Variants in KDM7A observed in about 807,000 individuals in gnomAD.
KDM7A encodes lysine demethylase 7A.
Under a neutral mutation model 114.8 loss-of-function variants are expected in KDM7A, and 28 were observed. The observed-to-expected ratio is 0.24, with a 90% CI of 0.18 to 0.33. KDM7A has a LOEUF of 0.33. Among genes scored for constraint, KDM7A ranks in the 10% least tolerant of loss-of-function variants. KDM7A has a pLI of 1.00. For synonymous variants in KDM7A, 423 were observed against 397.8 expected (o/e 1.06, Z -0.75); for missense variants, 942 against 1,142.5 (o/e 0.82, Z 2.53).
chr7:140,133,496 C>A, intron 3 of KDM7A, 43 bp downstream of exon 3: 1 of 1,143,468 alleles, frequency 8.7e-7, no homozygotes. Context: ...AGACGACATT[C>A]TTACATTCTT....
At chr7:140,136,920 G>A (rs1180387323) in intron 2 of KDM7A, among the ~76,000 whole-genome samples, 1 of 152,160 alleles carries the variant, frequency 6.6e-6, no homozygotes, top group Non-Finnish European at 1.5e-5. Flanking sequence ...CTGTGAGGCG[G>A]AGGTTGCAGT....
intron 2 of KDM7A, among the ~76,000 whole-genome samples, chr7:140,134,886 TACA>T (rs1818842296): frequency 1.3e-5 from 2 of 152,052 alleles, no homozygotes; most frequent in African/African-American, 2.4e-5. Flanking sequence ...ATCACAGTAA[TACA>T]ACAACATTGG....
Position 140,165,201 on chromosome 7 carries a change from T to C in KDM7A, c.194+11543A>G, listed in dbSNP as rs149934024. Among the ~76,000 whole-genome samples the C allele has an allele frequency of 1.8e-4, 27 of 152,356 alleles. No homozygotes were observed. The East Asian group carries it at 4.8e-3, about 27-fold the overall frequency. On this transcript the variant is annotated intron_variant, in intron 1 of 19. Transcript: ENST00000397560. ...ATTAATGCTCTAGAGACTCCTATTA[T>C]ATACATTTACCTGCTCAGTGTTTGT...
intron 7 of KDM7A, among the ~76,000 whole-genome samples, chr7:140,123,307 T>C (rs763407685): frequency 6.6e-6 from 1 of 152,204 alleles, no homozygotes; most frequent in African/African-American, 2.4e-5. Context: ...AGTTAAACCA[T>C]GTAATGCAGC....
chr7:140,160,929 G>T (rs1794512332), intron 1 of KDM7A, among the ~76,000 whole-genome samples: 1 of 152,144 alleles, frequency 6.6e-6, no homozygotes, highest in Non-Finnish European at 1.5e-5. Flanking sequence ...CAGTCACCAT[G>T]GGCTCCAAAG....
chr7:140,144,923 A>C (rs1180365264), intron 1 of KDM7A, among the ~76,000 whole-genome samples: 1 of 152,082 alleles, frequency 6.6e-6, no homozygotes, highest in Non-Finnish European at 1.5e-5. Flanking sequence ...TCTCACCATG[A>C]GAGCACCTAC....
chr7:140,154,785 T>C (rs924786129), intron 1 of KDM7A, among the ~76,000 whole-genome samples: 4 of 152,146 alleles, frequency 2.6e-5, no homozygotes, highest in Non-Finnish European at 4.4e-5. Flanking sequence ...TGGGTTATTA[T>C]TTTCCACCTT....
In KDM7A at chr7:140,150,488, T is replaced by G. The variant is rs557864637; in HGVS notation, c.195-11298A>C. Among the ~76,000 whole-genome samples the G allele has an allele frequency of 2.0e-5, 3 of 152,310 alleles. No individual in the cohort carries two copies. The South Asian group carries it at 6.2e-4, about 32-fold the overall frequency. Reference sequence around the variant, plus strand: ...CAAAAGAATGATGCAGCTCTGTAAGTAGGAATATGGAAAGATCTCCAAGAT... The same window carrying G: ...CAAAAGAATGATGCAGCTCTGTAAGGAGGAATATGGAAAGATCTCCAAGAT... On this transcript the variant is annotated intron_variant, in intron 1 of 19. Transcript: ENST00000397560.
chr7:140,100,048 C>G lies in KDM7A; in HGVS notation c.1639-25G>C, dbSNP rs766587701. On this transcript the variant is annotated intron_variant, in intron 12 of 19. Coordinates refer to ENST00000397560, the MANE Select transcript of KDM7A (RefSeq NM_030647.2). ...CCTGAAGGTATAAATGCAGAACTTA[C>G]TTACCATCCACCCTCAGGTAGCCCT... 4.3e-6 allele frequency: 7 copies of G among 1,613,480 alleles called. No individual in the cohort carries two copies. The Admixed American group carries it at 8.3e-5, about 19-fold the overall frequency.
rs558151700 is a variant in KDM7A at position 140,150,453 on chromosome 7, G to A, written c.195-11263C>T. ...TACAAGCTTCTATAAGCTTCTACACGGCAGCCTTTCAAAAGAATGATGCAG... is the reference window on the plus strand; with the variant it reads ...TACAAGCTTCTATAAGCTTCTACACAGCAGCCTTTCAAAAGAATGATGCAG... On this transcript the variant is annotated intron_variant, in intron 1 of 19. Transcript: ENST00000397560. Among the ~76,000 whole-genome samples, 6 of 152,188 alleles carry A rather than the reference G, an allele frequency of 3.9e-5. No homozygotes were observed. The South Asian group carries it at 1.0e-3, about 26-fold the overall frequency.
At chr7:140,172,337 C>T (rs555569486) in intron 1 of KDM7A, among the ~76,000 whole-genome samples, 2 of 152,156 alleles carry the variant, frequency 1.3e-5, no homozygotes, top group African/African-American at 4.8e-5. Context: ...GTCAATCATA[C>T]CATCATTAGT....
Position 140,111,192 on chromosome 7 carries a change from T to C in KDM7A, c.1339-8A>G. On this transcript the variant is annotated splice_region_variant and splice_polypyrimidine_tract_variant and intron_variant, in intron 10 of 19. Transcript: ENST00000397560. Reference sequence around the variant, plus strand: ...GGCATGTTCAGATACAAGCTGTATTTGGATTAACAAAAATAAGAAAACCAA... The same window carrying C: ...GGCATGTTCAGATACAAGCTGTATTCGGATTAACAAAAATAAGAAAACCAA... 1.3e-6 allele frequency: 2 copies of C among 1,566,854 alleles called. No homozygotes were observed. Among genetic ancestry groups the C allele is most frequent in the African/African-American group, 1.4e-5 (1 of 73,678 alleles).
At chr7:140,120,157 T>C (rs1040965223) in intron 8 of KDM7A, among the ~76,000 whole-genome samples, 2 of 152,202 alleles carry the variant, frequency 1.3e-5, no homozygotes, top group Non-Finnish European at 1.5e-5. Flanking sequence ...ACTGCAAAAA[T>C]AGCCAAAGAA....
intron 1 of KDM7A, among the ~76,000 whole-genome samples, chr7:140,174,640 C>T (rs999274325): frequency 6.6e-6 from 1 of 152,022 alleles, no homozygotes; most frequent in African/African-American, 2.4e-5. Context: ...CTCACTCTGT[C>T]GCCAGGCTGG....
rs1818578567 is a variant in KDM7A at position 140,119,120 on chromosome 7, G to C, written c.1239C>G (p.Thr413=). Reference sequence around the variant, plus strand: ...ATGCAAATTATTAATTACCTTTCAGGGTTTCCAGCAAGTTTTTGGCTACAA... The same window carrying C: ...ATGCAAATTATTAATTACCTTTCAGCGTTTCCAGCAAGTTTTTGGCTACAA... ...CWFVAKNLLE[T]LKELREDGFQ... Residue 413 remains threonine, a synonymous_variant, in exon 9 of 20, where the codon ACC becomes ACG. Coordinates refer to ENST00000397560, the MANE Select transcript of KDM7A (RefSeq NM_030647.2). 1 of 1,582,316 alleles carries C rather than the reference G, an allele frequency of 6.3e-7. No homozygotes were observed. Among genetic ancestry groups the C allele is most frequent in the Non-Finnish European group, 8.7e-7 (1 of 1,154,242 alleles).
intron 2 of KDM7A, among the ~76,000 whole-genome samples, chr7:140,134,531 G>GT (rs1252483128): frequency 6.6e-6 from 1 of 151,776 alleles, no homozygotes; most frequent in Non-Finnish European, 1.5e-5. Context: ...CTTGTGTGTT[G>GT]TATCAATGTA....
chr7:140,096,748 C>G lies in KDM7A; in HGVS notation c.2181G>C (p.Ser727=). ...GAATAGCTTCTTCCTCTGTGCTCGTCGAGGTAGGACATTCCCTAAAGAAGA... is the reference window on the plus strand; with the variant it reads ...GAATAGCTTCTTCCTCTGTGCTCGTGGAGGTAGGACATTCCCTAAAGAAGA... The part of the protein sequence containing the change: ...EIPIKRECPT[S]TSTEEEAIQG... The change falls in exon 17 of 20, where the codon TCG becomes TCC. Residue 727 remains serine, a synonymous_variant. Coordinates refer to ENST00000397560, the MANE Select transcript of KDM7A (RefSeq NM_030647.2). 1.2e-6 allele frequency: 2 copies of G among 1,613,864 alleles called. No individual in the cohort carries two copies. The highest frequency in any genetic ancestry group is 1.7e-4 in the Middle Eastern group (1 of 6,060).
chr7:140,169,595 G>C (rs879673773), intron 1 of KDM7A, among the ~76,000 whole-genome samples: 1 of 151,944 alleles, frequency 6.6e-6, no homozygotes, highest in African/African-American at 2.4e-5. Flanking sequence ...GCGTGATCTC[G>C]GCTCACTGCA....
At chr7:140,163,665 C>T (rs1226801611) in intron 1 of KDM7A, among the ~76,000 whole-genome samples, 3 of 151,686 alleles carry the variant, frequency 2.0e-5, no homozygotes, top group Non-Finnish European at 2.9e-5. Context: ...AAACATGGAC[C>T]TTTCTATATA....
Sources: allele counts gnomAD v4.1 joint callset (sites outside exome capture counted in the v4.1 genomes callset), GRCh38; gene constraint gnomAD v4.1.1; transcripts MANE v1.5; gene names NCBI Gene and HGNC (gene_info 2026-07-23, HGNC 2026-07-21).